The following CRB1 variants were observed in gnomAD, a reference collection of about 807,000 sequenced individuals.
CRB1 encodes the protein crumbs cell polarity complex component 1, also known as protein crumbs homolog 1.
CRB1 carries 83 observed loss-of-function variants against 120.0 expected under a neutral mutation model. The observed-to-expected ratio is 0.69, with a 90% CI of 0.58 to 0.83. The LOEUF (loss-of-function observed/expected upper bound fraction) is 0.83, where lower values mean the gene tolerates loss of function less well. Among genes scored for constraint, CRB1 ranks in the 40% least tolerant of loss-of-function variants. The probability of loss-of-function intolerance (pLI) is 0.00; values close to 1 mark genes in which losing one functional copy is unlikely to be tolerated. For synonymous variants in CRB1, 625 were observed against 612.5 expected, an observed-to-expected ratio of 1.02 and a Z score of -0.30; for missense variants, 1,699 against 1,687.6, an observed-to-expected ratio of 1.01 and a Z score of -0.12.
rs1343680080 is a variant in CRB1, at chr1:197,268,467, C to CT, written c.57dup (p.Ile20TyrfsTer10). 3 of 1,611,602 alleles carry CT rather than the reference C, an allele frequency of 1.9e-6. No individual in the cohort carries two copies. The highest frequency in any genetic ancestry group is 2.5e-6 in the Non-Finnish European group (3 of 1,177,716). ...CATCTTCTACCTCAGTTTCTCACTG[C>CT]TTATCTACATAAAAAGTAAGCCTTT... is the stretch of plus-strand genomic sequence containing the variant. On this transcript the variant is annotated frameshift_variant, in exon 1 of 12. Transcript: ENST00000367400. LOFTEE classifies it high-confidence loss of function.
In CRB1 at chr1:197,356,907, G is replaced by A. The variant is rs756148408; in HGVS notation, c.1065G>A (p.Val355=). The change falls in exon 5 of 12, where the codon GTG becomes GTA. Residue 355 remains valine, a synonymous_variant. Coordinates refer to ENST00000367400, the MANE Select transcript of CRB1 (RefSeq NM_201253.3). ...CCTGCCAGTCCAATGGGGAATGTGT[G>A]GAGCTGTCCTCAGAGAAACAATATG... ...SNPCQSNGEC[V]ELSSEKQYGR... 6.2e-7 allele frequency: 1 copy of A among 1,614,170 alleles called. No homozygotes were observed. Among genetic ancestry groups the A allele is most frequent in the Non-Finnish European group, 8.5e-7 (1 of 1,180,008 alleles).
intron 5 of CRB1, among the ~76,000 whole-genome samples, chr1:197,383,515 T>C (rs931625756): frequency 6.6e-6 from 1 of 152,198 alleles, no homozygotes; most frequent in African/African-American, 2.4e-5. Context: ...CTTAAGATAC[T>C]CTTTGTTGAA....
chr1:197,450,605 C>G (rs986087643), intron 11 of CRB1, among the ~76,000 whole-genome samples: 2 of 151,590 alleles, frequency 1.3e-5, no homozygotes, highest in African/African-American at 4.9e-5. Flanking sequence ...ATATTTGAAA[C>G]GTTATCATGA....
intron 5 of CRB1, among the ~76,000 whole-genome samples, chr1:197,367,884 G>A (rs970174295): frequency 1.3e-5 from 2 of 152,092 alleles, no homozygotes; most frequent in Admixed American, 1.3e-4. Flanking sequence ...AAAAATATCG[G>A]GTTTCTTAAC....
At chr1:197,444,615 A>G (rs1385010848) in intron 11 of CRB1, 1 of 152,140 alleles carries the variant, frequency 6.6e-6, no homozygotes, top group Non-Finnish European at 1.5e-5. Flanking sequence ...TTCACTCACA[A>G]TTTCTTTCTG....
intron 11 of CRB1, among the ~76,000 whole-genome samples, chr1:197,476,374 G>GTA (rs1667197220): frequency 1.5e-5 from 2 of 134,736 alleles, no homozygotes; most frequent in Middle Eastern, 3.8e-3. Flanking sequence ...GTGTGTGTGT[G>GTA]TGTGTGTGTG....
rs1664336318 is a variant in CRB1, at chr1:197,421,715, C to A, written c.1887C>A (p.Asn629Lys). Residue 629 changes from asparagine (N) to lysine (K), a missense_variant, in exon 6 of 12, where the codon AAC becomes AAA. Coordinates refer to ENST00000367400, the MANE Select transcript of CRB1 (RefSeq NM_201253.3). ...GMTSNGVALL[N>K]FYNMPSTPSF... ...CCAGCAATGGTGTTGCTCTGCTTAA[C>A]TTCTATAATATGCCATCCACACCTT... 6.2e-7 allele frequency: 1 copy of A among 1,614,182 alleles called. No homozygotes were observed. Among genetic ancestry groups the A allele is most frequent in the Non-Finnish European group, 8.5e-7 (1 of 1,180,038 alleles).
At chr1:197,413,928 T>C (rs1318941388) in intron 5 of CRB1, 3 of 456,650 alleles carry the variant, frequency 6.6e-6, no homozygotes, top group Non-Finnish European at 1.3e-5. Context: ...TTTGGATGGA[T>C]ACCTCTTTTT....
intron 8 of CRB1, among the ~76,000 whole-genome samples, chr1:197,431,005 G>T (rs1191038730): frequency 1.3e-5 from 2 of 151,886 alleles, no homozygotes; most frequent in African/African-American, 2.4e-5. Flanking sequence ...ATTTGAGTCT[G>T]CAGTAAGCTA....
chr1:197,452,646 CAACA>C (rs1270311275), intron 11 of CRB1, among the ~76,000 whole-genome samples: 3 of 152,164 alleles, frequency 2.0e-5, no homozygotes, highest in Non-Finnish European at 2.9e-5. Context: ...CAGGGCCACA[CAACA>C]AATAGGGATC....
the CRB1 span, among the ~76,000 whole-genome samples, chr1:197,244,196 T>C: frequency 6.6e-6 from 1 of 152,174 alleles, no homozygotes; most frequent in Admixed American, 6.5e-5. Context: ...TATTGTTATG[T>C]TTGAATTTGA....
intron 4 of CRB1, among the ~76,000 whole-genome samples, chr1:197,355,435 G>T (rs970652723): frequency 6.6e-6 from 1 of 152,238 alleles, no homozygotes; most frequent in Non-Finnish European, 1.5e-5. Context: ...ACCCGGCGCC[G>T]CGGAGCAGGG....
intron 1 of CRB1, among the ~76,000 whole-genome samples, chr1:197,271,866 C>T (rs528518801): frequency 3.3e-5 from 5 of 152,020 alleles, no homozygotes; most frequent in Non-Finnish European, 5.9e-5. Flanking sequence ...AATGCCACAT[C>T]GAGATTAATT....
chr1:197,422,028 A>G (rs1340797180), intron 6 of CRB1, 72 bp downstream of exon 6: 2 of 1,397,232 alleles, frequency 1.4e-6, no homozygotes, highest in East Asian at 2.3e-5. Context: ...AAAAACAGCC[A>G]GACTGCTTCT....
Position 197,466,157 on chromosome 1 carries a change from TG to T in CRB1, c.4006-11503del, listed in dbSNP as rs575488293. ...AGCAGGAGTTGGCACTGCTACCATCTGGGGTATGTCCTACATTTAAGCCCTA... is the reference window on the plus strand; with the variant it reads ...AGCAGGAGTTGGCACTGCTACCATCTGGGTATGTCCTACATTTAAGCCCTA... On this transcript the variant is annotated intron_variant, in intron 11 of 11. Coordinates refer to ENST00000367400, the MANE Select transcript of CRB1 (RefSeq NM_201253.3). Among the ~76,000 whole-genome samples the T allele has an allele frequency of 1.2e-4, 19 of 152,298 alleles. No homozygotes were observed. In the East Asian group the frequency reaches 3.7e-3, roughly 29 times the overall value.
chr1:197,402,615 T>A (rs567963418), intron 5 of CRB1, among the ~76,000 whole-genome samples: 2 of 152,356 alleles, frequency 1.3e-5, no homozygotes, highest in South Asian at 4.1e-4. Flanking sequence ...TTGATTTCTC[T>A]CTCAGTTACA....
chr1:197,252,578 ATATATGTG>A, the CRB1 span, among the ~76,000 whole-genome samples: 5 of 28,684 alleles, frequency 1.7e-4, no homozygotes, highest in African/African-American at 2.8e-4. Context: ...ATATATATAT[ATATATGTG>A]TGTGTGTGTG....
the CRB1 span, among the ~76,000 whole-genome samples, chr1:197,238,665 G>A: frequency 2.0e-5 from 3 of 152,038 alleles, no homozygotes; most frequent in Non-Finnish European, 2.9e-5. Flanking sequence ...GACCAACATG[G>A]AGAAACCCCA....
chr1:197,308,933 CATATATGTGGGTATATACATATATGT>C (rs904408475), intron 1 of CRB1, among the ~76,000 whole-genome samples: 22 of 150,132 alleles, frequency 1.5e-4, no homozygotes, highest in African/African-American at 4.4e-4. Flanking sequence ...GGTATATATA[CATATATGTGGGTATATACATATATGT>C]ATATATGTGG....
Sources: gnomAD v4.1 joint callset for allele counts (sites outside exome capture counted in the v4.1 genomes callset) on GRCh38, gnomAD v4.1.1 for gene constraint, MANE v1.5 for transcripts, NCBI Gene and HGNC (gene_info 2026-07-23, HGNC 2026-07-21) for gene names.